The following DSCAML1 variants were observed in gnomAD, a reference collection of about 807,000 sequenced individuals.
DSCAML1 encodes the protein DS cell adhesion molecule like 1.
A neutral mutation model predicts 200.5 loss-of-function variants in DSCAML1; 38 were observed. That is an observed-to-expected ratio of 0.19 (90% CI 0.15 to 0.25). The LOEUF is 0.25. Ranked by LOEUF, DSCAML1 falls within the 10% of genes least tolerant of loss-of-function variation. The pLI, the probability that DSCAML1 is intolerant of heterozygous loss-of-function variation, is 1.00. For missense variants in DSCAML1, 2,223 were observed against 2,858.8 expected (o/e 0.78, Z 5.07); for synonymous variants, 1,215 against 1,165.0 (o/e 1.04, Z -0.87).
intron 3 of DSCAML1, among the ~76,000 whole-genome samples, chr11:117,650,341 C>G (rs925043647): frequency 6.6e-6 from 1 of 152,108 alleles, no homozygotes; most frequent in Non-Finnish European, 1.5e-5. Context: ...GGATAGGGCC[C>G]GGGTTTCTTC....
intron 12 of DSCAML1, among the ~76,000 whole-genome samples, 190 bp from the exon 13 acceptor site, chr11:117,481,460 A>G (rs896719582): frequency 7.6e-6 from 1 of 131,820 alleles, no homozygotes; most frequent in Non-Finnish European, 1.6e-5. Flanking sequence ...GGCTTCATAC[A>G]GGGAGGGGCT....
intron 4 of DSCAML1, among the ~76,000 whole-genome samples, chr11:117,530,119 C>T (rs549656153): frequency 1.1e-4 from 16 of 152,206 alleles, no homozygotes; most frequent in East Asian, 5.8e-4. Context: ...TCTTCATGCC[C>T]GCTTTTCTAT....
At chr11:117,794,957 C>T (rs1439311850) in intron 1 of DSCAML1, among the ~76,000 whole-genome samples, 2 of 152,232 alleles carry the variant, frequency 1.3e-5, no homozygotes, top group South Asian at 4.1e-4. Flanking sequence ...ACTGGCATCT[C>T]CAGCCCGCCT....
chr11:117,428,223 GTTT>G lies in DSCAML1; in HGVS notation c.*102_*104del, dbSNP rs923886158. ...GGGGTTTTTGTTTTGTCGTTGGTTG[GTTT>G]TTGTCTGTCAGTTGAATATAAATAA... is the stretch of plus-strand genomic sequence containing the variant. On this transcript the variant is annotated 3_prime_UTR_variant, in exon 33 of 33. Transcript: ENST00000651296. 16 of 718,668 alleles carry G rather than the reference GTTT, an allele frequency of 2.2e-5. 1 individual carries two copies. The highest frequency in any genetic ancestry group is 2.1e-4 in the Admixed American group (8 of 37,592). 44.5% of individuals were successfully genotyped at this position (718,668 alleles called of 1,614,324 possible). A position where few individuals can be genotyped will look rare whatever the true frequency, so the allele number is the denominator to read the frequency against.
chr11:117,529,204 A>C (rs914712342), intron 4 of DSCAML1, among the ~76,000 whole-genome samples: 2 of 151,910 alleles, frequency 1.3e-5, no homozygotes, highest in African/African-American at 2.4e-5. Context: ...CCGCCTCCCG[A>C]GTAGCTGGGA....
chr11:117,661,246 T>A (rs594306), intron 3 of DSCAML1, among the ~76,000 whole-genome samples: 37,861 of 152,018 alleles, frequency 0.25, 5,189 homozygotes, highest in East Asian at 0.57. Context: ...CAAGGCCTGG[T>A]AACCAGACAG....
chr11:117,585,406 C>CCAG (rs2051121060), intron 3 of DSCAML1, among the ~76,000 whole-genome samples: 1 of 151,734 alleles, frequency 6.6e-6, no homozygotes, highest in Non-Finnish European at 1.5e-5. Context: ...CCCACCACCA[C>CCAG]GCCCAGCTAA....
At chr11:117,556,531 C>G (rs1020400256) in intron 3 of DSCAML1, among the ~76,000 whole-genome samples, 6 of 106,388 alleles carry the variant, frequency 5.6e-5, no homozygotes, top group Non-Finnish European at 1.3e-4. Flanking sequence ...GTTAATTTCT[C>G]TCACCCTGCT....
chr11:117,501,225 C>T (rs1170626761), intron 11 of DSCAML1, among the ~76,000 whole-genome samples: 1 of 152,038 alleles, frequency 6.6e-6, no homozygotes, highest in East Asian at 1.9e-4. Context: ...AGAGGCTGTG[C>T]AGGGCAGTAG....
At chr11:117,577,047 G>A (rs1212992560) in intron 3 of DSCAML1, among the ~76,000 whole-genome samples, 1 of 152,166 alleles carries the variant, frequency 6.6e-6, no homozygotes, top group African/African-American at 2.4e-5. Flanking sequence ...GCCCCAACCA[G>A]AATGGCAATG....
intron 14 of DSCAML1, among the ~76,000 whole-genome samples, chr11:117,478,584 A>G (rs1433946109): frequency 6.6e-6 from 1 of 152,188 alleles, no homozygotes; most frequent in Non-Finnish European, 1.5e-5. Flanking sequence ...GAGCTCAGAC[A>G]TTGTTAGCGG....
chr11:117,496,379 G>A (rs1314711067), intron 11 of DSCAML1, among the ~76,000 whole-genome samples: 2 of 152,150 alleles, frequency 1.3e-5, no homozygotes, highest in Non-Finnish European at 2.9e-5. Flanking sequence ...CCATTCAGAG[G>A]GGCTTCAACT....
At chr11:117,774,233 T>C (rs748432029) in intron 3 of DSCAML1, among the ~76,000 whole-genome samples, 5 of 152,214 alleles carry the variant, frequency 3.3e-5, no homozygotes, top group Non-Finnish European at 5.9e-5. Context: ...AGTGAGCTTT[T>C]ATTTACCCTG....
chr11:117,631,963 C>A (rs1189404930), intron 3 of DSCAML1, among the ~76,000 whole-genome samples: 3 of 152,210 alleles, frequency 2.0e-5, no homozygotes, highest in African/African-American at 7.2e-5. Context: ...AGCGGCAAAG[C>A]CTCTCTCTTG....
rs537007345 is a variant in DSCAML1 at position 117,788,483 on chromosome 11, C to T, written c.47-7673G>A. Reference sequence around the variant, plus strand: ...CTGGGATTACAGGCGTGCACCACCACGCCTGGCTAATTTTTGTATTTTTAG... The same window carrying T: ...CTGGGATTACAGGCGTGCACCACCATGCCTGGCTAATTTTTGTATTTTTAG... On this transcript the variant is annotated intron_variant, in intron 1 of 32. Transcript: ENST00000651296. Among the ~76,000 whole-genome samples, 17 of 152,142 alleles carry T rather than the reference C, an allele frequency of 1.1e-4. 2 individuals are homozygous for T. The highest frequency in any genetic ancestry group is 3.9e-4 in the East Asian group (2 of 5,166).
intron 3 of DSCAML1, among the ~76,000 whole-genome samples, chr11:117,614,782 T>C (rs974302214): frequency 6.6e-6 from 1 of 152,122 alleles, no homozygotes; most frequent in African/African-American, 2.4e-5. Context: ...GGTCTTGACA[T>C]GTAGGGAAGT....
chr11:117,764,415 C>T (rs146647701), intron 3 of DSCAML1, among the ~76,000 whole-genome samples: 247 of 152,282 alleles, frequency 1.6e-3, no homozygotes, highest in African/African-American at 5.6e-3. Context: ...TTCTTTGGTG[C>T]GTGGGAAGAG....
chr11:117,634,377 T>G (rs954115634), intron 3 of DSCAML1, among the ~76,000 whole-genome samples: 1 of 152,194 alleles, frequency 6.6e-6, no homozygotes, highest in African/African-American at 2.4e-5. Context: ...ATATACCCTT[T>G]CCAGCCTCCG....
chr11:117,700,298 G>T (rs2053645203), intron 3 of DSCAML1, among the ~76,000 whole-genome samples: 2 of 152,210 alleles, frequency 1.3e-5, no homozygotes, highest in African/African-American at 4.8e-5. Flanking sequence ...GCTAAACTGA[G>T]GTTCAGAGAA....
Sources: gnomAD v4.1 joint callset for allele counts (sites outside exome capture counted in the v4.1 genomes callset) on GRCh38, gnomAD v4.1.1 for gene constraint, MANE v1.5 for transcripts, NCBI Gene and HGNC (gene_info 2026-07-23, HGNC 2026-07-21) for gene names.